DAPP1: variants seen among roughly 807,000 people sequenced by gnomAD.
The protein encoded by DAPP1 is dual adapter for phosphotyrosine and 3-phosphotyrosine and 3-phosphoinositide.
DAPP1 carries 20 observed loss-of-function variants against 41.5 expected under a neutral mutation model. The ratio of observed to expected loss-of-function variants is 0.48; its 90% CI spans 0.34 to 0.70. DAPP1 has a LOEUF of 0.70. DAPP1 is among the 30% of genes least tolerant of loss of function. The pLI is 0.01. For synonymous variants in DAPP1, 113 were observed against 116.2 expected, an observed-to-expected ratio of 0.97 and a Z score of 0.18; for missense variants, 233 against 333.4, an observed-to-expected ratio of 0.70 and a Z score of 2.35.
rs754986506 is a variant in DAPP1 at position 99,835,723 on chromosome 4, G to A, written c.202G>A (p.Gly68Arg). Residue 68 changes from glycine to arginine, a missense_variant, in exon 2 of 9, where the codon GGG becomes AGG. By Grantham distance (125) the Gly-to-Arg change is moderately radical. Transcript: ENST00000512369. ...YLLRDSNETT[G>R]LYSLSVRAKD... ...TCTGAGGGACAGCAATGAGACCACC[G>A]GGCTGTACTCTCTCTCTGTGAGGTA... 2.0e-5 allele frequency: 32 copies of A among 1,613,668 alleles called. No homozygotes were observed. The highest frequency in any genetic ancestry group is 6.7e-5 in the Admixed American group (4 of 59,984).
At chr4:99,823,262 G>A (rs532014895) in intron 1 of DAPP1, among the ~76,000 whole-genome samples, 7 of 151,956 alleles carry the variant, frequency 4.6e-5, no homozygotes, top group Non-Finnish European at 1.0e-4. Context: ...TAACATTGAT[G>A]CTATTTTTCT....
At chr4:99,843,639 T>C (rs1248828097) in intron 3 of DAPP1, among the ~76,000 whole-genome samples, 1 of 152,228 alleles carries the variant, frequency 6.6e-6, no homozygotes, top group East Asian at 1.9e-4. Flanking sequence ...TCTCAAAACC[T>C]AATAATTTCC....
In DAPP1 at chr4:99,862,974, T is replaced by C. The variant is rs558953105; in HGVS notation, c.538-36T>C. ...ACATTCCTGTATTCAAAACTTTGTG[T>C]GTCTGTGTGTTTGTGTGTGTGTGTG... On this transcript the variant is annotated intron_variant, in intron 5 of 8. Transcript: ENST00000512369. 2.0e-6 allele frequency: 3 copies of C among 1,494,084 alleles called. No individual in the cohort carries two copies. The South Asian group carries it at 3.9e-5, about 20-fold the overall frequency. 92.6% of individuals were successfully genotyped at this position (1,494,084 alleles called of 1,614,324 possible). A position where few individuals can be genotyped will look rare whatever the true frequency, so the allele number is the denominator to read the frequency against.
intron 4 of DAPP1, among the ~76,000 whole-genome samples, chr4:99,859,509 G>A (rs76629919): frequency 0.072 from 11,003 of 151,982 alleles, 488 homozygotes; most frequent in Non-Finnish European, 0.11. Context: ...TTCATTCATC[G>A]ATCCATGAGT....
Position 99,868,167 on chromosome 4 carries a change from G to A in DAPP1, c.825G>A (p.Arg275=), listed in dbSNP as rs771128313. ...LNQGEGTIRS[R]SFIFK is the part of the protein sequence containing the mutation. ...AAGGGGAAGGCACGATCCGATCTCG[G>A]TCGTTCATCTTTAAATAGATCTTTC... is the stretch of plus-strand genomic sequence containing the variant. The change falls in exon 9 of 9, where the codon CGG becomes CGA. Residue 275 remains arginine (R), a synonymous_variant. Transcript: ENST00000512369. The A allele has an allele frequency of 1.2e-6, 2 of 1,613,960 alleles. No individual in the cohort carries two copies. The highest frequency in any genetic ancestry group is 3.3e-5 in the Admixed American group (2 of 60,010).
chr4:99,850,596 G>C (rs981469741), intron 3 of DAPP1, among the ~76,000 whole-genome samples: 1 of 152,108 alleles, frequency 6.6e-6, no homozygotes, highest in Non-Finnish European at 1.5e-5. Context: ...TATCTAATTT[G>C]GGAGCTGCTT....
At chr4:99,867,992 A>G in intron 8 of DAPP1, 125 bp from the exon 9 acceptor site, 1 of 867,990 alleles carries the variant, frequency 1.2e-6, no homozygotes. Flanking sequence ...GGGTGAGCAC[A>G]TGATAATTAA....
chr4:99,855,950 T>C (rs1724030440), intron 4 of DAPP1, among the ~76,000 whole-genome samples: 1 of 152,216 alleles, frequency 6.6e-6, no homozygotes, highest in African/African-American at 2.4e-5. Flanking sequence ...GATGCCCCAC[T>C]GCCCAGAAAT....
chr4:99,863,649 G>A (rs1444736240), intron 6 of DAPP1, 121 bp from the exon 7 acceptor site: 2 of 696,108 alleles, frequency 2.9e-6, no homozygotes, highest in African/African-American at 3.7e-5. Context: ...TCCTGTTAGT[G>A]AAAGGAAATA....
chr4:99,846,722 A>G (rs1723676724), intron 3 of DAPP1, among the ~76,000 whole-genome samples: 1 of 152,228 alleles, frequency 6.6e-6, no homozygotes, highest in African/African-American at 2.4e-5. Flanking sequence ...GGTAGAATCA[A>G]GTGAGCACTC....
At chr4:99,842,817 A>G (rs1177350851) in intron 3 of DAPP1, among the ~76,000 whole-genome samples, 1 of 151,150 alleles carries the variant, frequency 6.6e-6, no homozygotes, top group Non-Finnish European at 1.5e-5. Context: ...TAACGATTTC[A>G]TGTTCACCTT....
intron 7 of DAPP1, 193 bp downstream of exon 7, chr4:99,864,048 C>A: frequency 2.1e-6 from 1 of 481,550 alleles, no homozygotes; most frequent in Non-Finnish European, 3.7e-6. Flanking sequence ...ACAGGCAGGT[C>A]AGCTCAGCTT....
chr4:99,850,322 A>G (rs1197644419), intron 3 of DAPP1, among the ~76,000 whole-genome samples: 1 of 152,050 alleles, frequency 6.6e-6, no homozygotes, highest in Non-Finnish European at 1.5e-5. Context: ...AGGCAGGAGA[A>G]TCGCTTGAAC....
At chr4:99,862,614 A>G (rs1358920197) in intron 5 of DAPP1, among the ~76,000 whole-genome samples, 2 of 152,166 alleles carry the variant, frequency 1.3e-5, no homozygotes, top group African/African-American at 4.8e-5. Flanking sequence ...TCTTTATTAT[A>G]GAGTTAATAA....
intron 1 of DAPP1, among the ~76,000 whole-genome samples, chr4:99,827,541 AACAACAAAAAAACAAAAC>A (rs1272792401): frequency 1.6e-5 from 2 of 121,842 alleles, no homozygotes; most frequent in Non-Finnish European, 3.3e-5. Flanking sequence ...TCAAAAAAAA[AACAACAAAAAAACAAAAC>A]AAAAAACACC....
At chr4:99,864,698 C>T (rs891997573) in intron 7 of DAPP1, among the ~76,000 whole-genome samples, 1 of 152,120 alleles carries the variant, frequency 6.6e-6, no homozygotes, top group Non-Finnish European at 1.5e-5. Context: ...AAGGTCAGGT[C>T]CAGGGTCTCT....
rs552491182 is a variant in DAPP1, at chr4:99,856,466, G to A, written c.489+3118G>A. Among the ~76,000 whole-genome samples, 33 of 152,240 alleles carry A rather than the reference G, an allele frequency of 2.2e-4. 1 individual carries two copies. In the South Asian group the frequency reaches 6.0e-3, roughly 28 times the overall value. On this transcript the variant is annotated intron_variant, in intron 4 of 8. Transcript: ENST00000512369. ...CAAAGGCTAGGAAGGTCAGAATTAC[G>A]GGATGAAGTGAGCTAGAGGAAAAGT... is the stretch of plus-strand genomic sequence containing the variant.
intron 3 of DAPP1, among the ~76,000 whole-genome samples, chr4:99,850,231 G>A (rs1334026905): frequency 2.6e-5 from 4 of 152,072 alleles, no homozygotes; most frequent in Non-Finnish European, 1.5e-5. Flanking sequence ...CCAACATGAC[G>A]AAACCCCGTC....
At chr4:99,843,135 C>T (rs570410470) in intron 3 of DAPP1, among the ~76,000 whole-genome samples, 2 of 152,300 alleles carry the variant, frequency 1.3e-5, no homozygotes, top group South Asian at 4.1e-4. Context: ...CCCAGCCTCA[C>T]CCTGCAGGGT....
Sources: gnomAD v4.1 joint callset for allele counts (sites outside exome capture counted in the v4.1 genomes callset) on GRCh38, gnomAD v4.1.1 for gene constraint, MANE v1.5 for transcripts, NCBI Gene and HGNC (gene_info 2026-07-23, HGNC 2026-07-21) for gene names.